SLC5A1: variants seen among roughly 807,000 people sequenced by gnomAD.
SLC5A1 encodes the protein sodium/glucose cotransporter 1.
Under a neutral mutation model 73.5 loss-of-function variants are expected in SLC5A1, and 42 were observed. The ratio of observed to expected loss-of-function variants is 0.57; its 90% confidence interval spans 0.45 to 0.74. The LOEUF is 0.74. SLC5A1 is among the 30% of genes least tolerant of loss of function. SLC5A1 has a pLI of 0.00. For missense variants in SLC5A1, 634 were observed against 855.4 expected (o/e 0.74, Z 3.23); for synonymous variants, 300 against 317.4 (o/e 0.95, Z 0.58).
chr22:32,080,550 G>A (rs79360786), intron 5 of SLC5A1, among the ~76,000 whole-genome samples: 4,490 of 152,230 alleles, frequency 0.029, 203 homozygotes, highest in African/African-American at 0.096. Flanking sequence ...GGAGATGTGA[G>A]AAGTAAGAGT....
chr22:32,088,249 G>A (rs1474873457), intron 10 of SLC5A1, among the ~76,000 whole-genome samples: 2 of 152,082 alleles, frequency 1.3e-5, no homozygotes, highest in African/African-American at 2.4e-5. Context: ...AAAGATGTGT[G>A]GCATGCAGAA....
chr22:32,043,437 T>C lies in SLC5A1; in HGVS notation c.135+21T>C. 1 of 1,613,080 alleles carries C rather than the reference T, an allele frequency of 6.2e-7. No individual in the cohort carries two copies. Among genetic ancestry groups the C allele is most frequent in the Non-Finnish European group, 8.5e-7 (1 of 1,179,614 alleles). ...TGTGGGTATGCAGCGGGTTCTGGGA[T>C]GCGGGTGGGGAGGGTGCGCACAGAG... On this transcript the variant is annotated intron_variant, in intron 1 of 14. Transcript: ENST00000266088. This position sits in a 1 kb window ranked among gnomAD's most constrained non-coding sequence, Gnocchi z 6.5.
chr22:32,084,913 G>A lies in SLC5A1; in HGVS notation c.899G>A (p.Arg300His), dbSNP rs1292617713. 5.0e-6 allele frequency: 8 copies of A among 1,614,034 alleles called. No individual in the cohort carries two copies. The highest frequency in any genetic ancestry group is 1.7e-5 in the Admixed American group (1 of 60,010). The change falls in exon 9 of 15, where the codon CGC (arginine) becomes CAC (histidine). Residue 300 changes from arginine to histidine, a missense_variant. Physicochemically the swap from Arg to His is conservative, Grantham distance 29. Coordinates refer to ENST00000266088, the MANE Select transcript of SLC5A1 (RefSeq NM_000343.4). ...YWCTDQVIVQRCLSAKNMSHV... is the reference protein window; with the variant it reads ...YWCTDQVIVQHCLSAKNMSHV... ...TTTTTCTGGCAGGTCATTGTGCAGCGCTGCCTCTCAGCCAAGAATATGTCT... is the reference window on the plus strand; with the variant it reads ...TTTTTCTGGCAGGTCATTGTGCAGCACTGCCTCTCAGCCAAGAATATGTCT...
intron 5 of SLC5A1, among the ~76,000 whole-genome samples, chr22:32,080,327 G>T (rs1277443864): frequency 6.6e-6 from 1 of 152,176 alleles, no homozygotes; most frequent in Non-Finnish European, 1.5e-5. Context: ...CGGGAAGGAG[G>T]TCGAATCACC....
chr22:32,099,443 C>A, intron 12 of SLC5A1, 92 bp downstream of exon 12: 1 of 1,233,138 alleles, frequency 8.1e-7, no homozygotes, highest in Non-Finnish European at 1.2e-6. Context: ...GATTCTATTT[C>A]CCAGAGATCT....
chr22:32,094,087 G>T (rs1347157223), intron 11 of SLC5A1, among the ~76,000 whole-genome samples: 1 of 152,018 alleles, frequency 6.6e-6, no homozygotes, highest in Non-Finnish European at 1.5e-5. Context: ...TTCTATGTCT[G>T]TTGAGATGAT....
chr22:32,053,568 A>G (rs1044674830), intron 2 of SLC5A1, among the ~76,000 whole-genome samples: 5 of 152,166 alleles, frequency 3.3e-5, no homozygotes, highest in Non-Finnish European at 7.3e-5. Context: ...ATTGATGTGT[A>G]ACCAAGTCCC....
At chr22:32,054,373 T>C (rs570295819) in intron 2 of SLC5A1, among the ~76,000 whole-genome samples, 1 of 152,274 alleles carries the variant, frequency 6.6e-6, no homozygotes, top group South Asian at 2.1e-4. Context: ...TTACAAAATA[T>C]ACGTAAAATT....
At chr22:32,066,911 C>T (rs747401826) in intron 2 of SLC5A1, 24 bp from the exon 3 acceptor site, 2 of 1,556,488 alleles carry the variant, frequency 1.3e-6, no homozygotes. Flanking sequence ...AGAGCCCTCA[C>T]CTGACTTTCT....
chr22:32,091,341 A>ACACC (rs1420758243), intron 10 of SLC5A1, among the ~76,000 whole-genome samples: 6 of 128,250 alleles, frequency 4.7e-5, no homozygotes, highest in South Asian at 5.2e-4. Flanking sequence ...ACACACACAC[A>ACACC]CCCCACCACC....
intron 14 of SLC5A1, among the ~76,000 whole-genome samples, chr22:32,107,440 T>C (rs1187689754): frequency 6.6e-6 from 1 of 152,164 alleles, no homozygotes; most frequent in Non-Finnish European, 1.5e-5. Context: ...AGAACTGGGA[T>C]TTAATCATCA....
At chr22:32,095,896 A>G (rs1422480408) in intron 11 of SLC5A1, among the ~76,000 whole-genome samples, 2 of 152,162 alleles carry the variant, frequency 1.3e-5, no homozygotes, top group Non-Finnish European at 2.9e-5. Context: ...TCATCACGCT[A>G]TTTGTTGAAA....
At chr22:32,078,994 C>T (rs2093995438) in intron 5 of SLC5A1, among the ~76,000 whole-genome samples, 1 of 145,352 alleles carries the variant, frequency 6.9e-6, no homozygotes, top group East Asian at 2.0e-4. Context: ...AGACCTTGCT[C>T]TCTGTAGAAA....
intron 2 of SLC5A1, among the ~76,000 whole-genome samples, chr22:32,050,466 G>A (rs1371801951): frequency 1.3e-5 from 2 of 152,146 alleles, no homozygotes; most frequent in South Asian, 4.1e-4. Flanking sequence ...ATTGACCTGG[G>A]TTGATATACC....
chr22:32,093,818 T>C lies in SLC5A1; in HGVS notation c.1280+2056T>C, dbSNP rs112569514. The stretch of plus-strand genomic sequence containing the variant: ...ACAGTTTGACTTCCCCTTTACTGAT[T>C]TGGATGCCATTCATTTCTTTCTTTT... On this transcript the variant is annotated intron_variant, in intron 11 of 14. Transcript: ENST00000266088. Among the ~76,000 whole-genome samples, 843 of 152,310 alleles carry C rather than the reference T, an allele frequency of 5.5e-3. 14 individuals are homozygous for C. Among genetic ancestry groups the C allele is most frequent in the African/African-American group, 0.019 (786 of 41,556 alleles).
In SLC5A1 at chr22:32,111,956, C is replaced by T. The variant is rs181783221; in HGVS notation, c.*1743C>T. 2.0e-5 allele frequency: 3 copies of T among 152,092 alleles called. No homozygotes were observed. The highest frequency in any genetic ancestry group is 2.9e-5 in the Non-Finnish European group (2 of 67,998). 9.4% of individuals were successfully genotyped at this position (152,092 alleles called of 1,614,324 possible). ...GTAGAAAAGCAGAAGCTGCTTTGAC[C>T]GTGAAAATATTTGACTCCTATCAGT... On this transcript the variant is annotated 3_prime_UTR_variant, in exon 15 of 15. Transcript: ENST00000266088.
chr22:32,104,914 T>C, intron 14 of SLC5A1, 23 bp downstream of exon 14: 2 of 1,522,132 alleles, frequency 1.3e-6, no homozygotes, highest in Non-Finnish European at 1.8e-6. Flanking sequence ...CCAGAGCAGA[T>C]CCTAAACCAT....
intron 2 of SLC5A1, 48 bp from the exon 3 acceptor site, chr22:32,066,887 T>A (rs2093974258): frequency 7.6e-7 from 1 of 1,322,432 alleles, no homozygotes; most frequent in African/African-American, 1.4e-5. Flanking sequence ...ACTCTGAGTG[T>A]CCTGGGAGAG....
At chr22:32,092,817 C>A (rs112614335) in intron 11 of SLC5A1, among the ~76,000 whole-genome samples, 1 of 152,112 alleles carries the variant, frequency 6.6e-6, no homozygotes, top group African/African-American at 2.4e-5. Flanking sequence ...TAAGTCCCAC[C>A]TATTTATCTT....
Sources: gnomAD v4.1 joint callset for allele counts (sites outside exome capture counted in the v4.1 genomes callset) on GRCh38, gnomAD v4.1.1 for gene constraint, Gnocchi (gnomAD v3.1) non-coding constraint, MANE v1.5 for transcripts, NCBI Gene and HGNC (gene_info 2026-07-23, HGNC 2026-07-21) for gene names.